Variants in WWOX observed in about 807,000 individuals in gnomAD.
WWOX encodes the protein WW domain-containing oxidoreductase.
In WWOX, 69 loss-of-function variants were observed where a neutral mutation model predicts 46.2. That is an observed-to-expected ratio of 1.49 (90% CI 1.23 to 1.82). WWOX has a LOEUF of 1.82. WWOX is among the 40% of genes most tolerant of loss of function. WWOX has a pLI of 0.00. For synonymous variants in WWOX, 359 were observed against 202.6 expected (o/e 1.77, Z -6.56); for missense variants, 919 against 542.6 (o/e 1.69, Z -6.89).
At chr16:78,545,892 C>G (rs569536823) in intron 8 of WWOX, among the ~76,000 whole-genome samples, 15 of 152,250 alleles carry the variant, frequency 9.9e-5, no homozygotes, top group African/African-American at 3.4e-4. Flanking sequence ...ATAAGGACAC[C>G]AGTCCTCTTG....
chr16:78,516,738 C>T (rs1004562561), intron 8 of WWOX, among the ~76,000 whole-genome samples: 2 of 152,074 alleles, frequency 1.3e-5, no homozygotes, highest in Admixed American at 6.6e-5. Flanking sequence ...AATTTAAACG[C>T]GAGGGTTTCC....
chr16:78,547,395 G>T (rs74509887), intron 8 of WWOX, among the ~76,000 whole-genome samples: 2 of 152,084 alleles, frequency 1.3e-5, no homozygotes, highest in African/African-American at 4.8e-5. Flanking sequence ...GCTCACAAAC[G>T]ACACAGCATG....
Position 79,211,931 on chromosome 16 carries a change from A to C in WWOX, c.*135A>C, listed in dbSNP as rs1231862770. 1 of 1,538,698 alleles carries C rather than the reference A, an allele frequency of 6.5e-7. No homozygotes were observed. Among genetic ancestry groups the C allele is most frequent in the South Asian group, 1.2e-5 (1 of 84,370 alleles). ...TAAAGGAAATAAGAGCAGTCACAAC[A>C]GAGTGAAAAATCTTAAGTACCAATG... On this transcript the variant is annotated 3_prime_UTR_variant, in exon 9 of 9. Coordinates refer to ENST00000566780, the MANE Select transcript of WWOX (RefSeq NM_016373.4).
chr16:78,905,471 T>C (rs755716993), intron 8 of WWOX, among the ~76,000 whole-genome samples: 14 of 152,344 alleles, frequency 9.2e-5, no homozygotes, highest in Non-Finnish European at 2.1e-4. Flanking sequence ...AGACTCAACC[T>C]CCTGGGTGCA....
intron 8 of WWOX, among the ~76,000 whole-genome samples, chr16:78,769,397 G>C (rs1424291855): frequency 6.6e-6 from 1 of 151,898 alleles, no homozygotes; most frequent in South Asian, 2.1e-4. Flanking sequence ...TCCAGTGCTT[G>C]TAACCTGTCA....
rs540049665 is a variant in WWOX at position 78,633,773 on chromosome 16, G to T, written c.1056+201021G>T. Among the ~76,000 whole-genome samples, 4 of 152,346 alleles carry T rather than the reference G, an allele frequency of 2.6e-5. No homozygotes were observed. In the East Asian group the frequency reaches 5.8e-4, roughly 22 times the overall value. On this transcript the variant is annotated intron_variant, in intron 8 of 8. Coordinates refer to ENST00000566780, the MANE Select transcript of WWOX (RefSeq NM_016373.4). ...TGTATGATTCATCAAGAGGACTCCA[G>T]GCTGTGGTGTGCGGTGCAACCCGGG...
chr16:78,547,153 A>C lies in WWOX; in HGVS notation c.1056+114401A>C, dbSNP rs915299553. On this transcript the variant is annotated intron_variant, in intron 8 of 8. Transcript: ENST00000566780. ...AAAAAAAAAAAAAAAAAAAAAAAAA[A>C]AAAAAACAACTACCAGGCCTGTTGG... is the stretch of plus-strand genomic sequence containing the variant. 2.1e-3 allele frequency among the ~76,000 whole-genome samples: 307 copies of C among 145,792 alleles called. 3 individuals carry two copies. The highest frequency in any genetic ancestry group is 3.8e-3 in the Non-Finnish European group (254 of 66,066).
chr16:78,500,954 G>T (rs947227775), intron 8 of WWOX, among the ~76,000 whole-genome samples: 1 of 152,148 alleles, frequency 6.6e-6, no homozygotes, highest in African/African-American at 2.4e-5. Context: ...ACCACGCTTA[G>T]GTCTGCTGGT....
chr16:78,805,468 A>G (rs2051008139), intron 8 of WWOX, among the ~76,000 whole-genome samples: 1 of 151,124 alleles, frequency 6.6e-6, no homozygotes, highest in Non-Finnish European at 1.5e-5. Flanking sequence ...TATTTTTCGT[A>G]GAGTCAGGGT....
At chr16:78,387,005 A>G (rs2082074810) in intron 6 of WWOX, 57 bp downstream of exon 6, 1 of 1,531,050 alleles carries the variant, frequency 6.5e-7, no homozygotes, top group Non-Finnish European at 9.1e-7. Context: ...TAATATCTTT[A>G]TCAGATGAAC....
intron 8 of WWOX, among the ~76,000 whole-genome samples, chr16:78,829,780 G>T (rs1302451602): frequency 6.6e-6 from 1 of 152,166 alleles, no homozygotes; most frequent in Non-Finnish European, 1.5e-5. Flanking sequence ...TACAGGAATT[G>T]CAGATTGTAG....
chr16:78,927,390 A>G (rs117978248), intron 8 of WWOX, among the ~76,000 whole-genome samples: 5,647 of 152,280 alleles, frequency 0.037, 161 homozygotes, highest in Middle Eastern at 0.075. Flanking sequence ...CAGACCATCA[A>G]TAACTGTTCT....
chr16:78,716,993 GGCTA>G (rs2048579676), intron 8 of WWOX, among the ~76,000 whole-genome samples: 1 of 152,172 alleles, frequency 6.6e-6, no homozygotes, highest in Non-Finnish European at 1.5e-5. Flanking sequence ...CGTAAAATTA[GGCTA>G]ATAACACCTC....
chr16:78,841,456 C>T (rs4888857), intron 8 of WWOX, among the ~76,000 whole-genome samples: 10,882 of 152,140 alleles, frequency 0.072, 680 homozygotes, highest in East Asian at 0.38. Flanking sequence ...TGAAACTGAC[C>T]GTGGTGAGAA....
chr16:78,457,323 G>T (rs79192404), intron 8 of WWOX, among the ~76,000 whole-genome samples: 10 of 152,112 alleles, frequency 6.6e-5, no homozygotes, highest in Non-Finnish European at 2.9e-5. Flanking sequence ...TTTTCATTCA[G>T]TTCAGATTTG....
chr16:78,732,000 C>T (rs181578572), intron 8 of WWOX, among the ~76,000 whole-genome samples: 6 of 151,870 alleles, frequency 4.0e-5, no homozygotes. Flanking sequence ...GTATGCACTA[C>T]CATGCCCAGT....
At chr16:78,766,427 T>C (rs2049926242) in intron 8 of WWOX, among the ~76,000 whole-genome samples, 1 of 152,082 alleles carries the variant, frequency 6.6e-6, no homozygotes, top group Admixed American at 6.6e-5. Flanking sequence ...AGACCCCACG[T>C]CTTAAAAAAA....
chr16:78,521,118 A>G (rs746651787), intron 8 of WWOX, among the ~76,000 whole-genome samples: 1 of 152,126 alleles, frequency 6.6e-6, no homozygotes, highest in East Asian at 1.9e-4. Context: ...TTGCTTTAAA[A>G]CATTTGACAG....
intron 5 of WWOX, among the ~76,000 whole-genome samples, chr16:78,314,570 G>T (rs368900287): frequency 6.8e-6 from 1 of 147,082 alleles, no homozygotes; most frequent in East Asian, 2.0e-4. Context: ...TGTCGCCCAG[G>T]CTGGAGTGTA....
Sources: gnomAD v4.1 joint callset for allele counts (sites outside exome capture counted in the v4.1 genomes callset) on GRCh38, gnomAD v4.1.1 for gene constraint, MANE v1.5 for transcripts, NCBI Gene and HGNC (gene_info 2026-07-23, HGNC 2026-07-21) for gene names.